PHF24: variants seen among roughly 807,000 people sequenced by gnomAD.
PHF24 encodes the protein PHD finger protein 24.
A neutral mutation model predicts 42.6 loss-of-function variants in PHF24; 25 were observed. The ratio of observed to expected loss-of-function variants is 0.59; its 90% CI spans 0.43 to 0.82. The LOEUF is 0.82. Ranked by LOEUF, PHF24 falls within the 40% of genes least tolerant of loss-of-function variation. PHF24 has a pLI of 0.00. For synonymous variants in PHF24, 185 were observed against 204.8 expected, an observed-to-expected ratio of 0.90 and a Z score of 0.83; for missense variants, 470 against 538.1, an observed-to-expected ratio of 0.87 and a Z score of 1.25.
chr9:34,942,837 G>A, the PHF24 span, among the ~76,000 whole-genome samples: 1 of 151,640 alleles, frequency 6.6e-6, no homozygotes, highest in Admixed American at 6.6e-5. Context: ...CATCACACAC[G>A]GGAGCCTGTC....
At chr9:34,765,849 T>C in the PHF24 span, among the ~76,000 whole-genome samples, 5 of 152,128 alleles carry the variant, frequency 3.3e-5, no homozygotes, top group Admixed American at 2.0e-4. Flanking sequence ...TGGTTGTTCC[T>C]TTCCATGTTT....
the PHF24 span, among the ~76,000 whole-genome samples, chr9:34,903,585 ATAAAG>A: frequency 1.7e-4 from 26 of 152,238 alleles, no homozygotes; most frequent in African/African-American, 5.8e-4. Context: ...ATGACATGAA[ATAAAG>A]TAAATTTTTT....
chr9:34,922,401 A>T, the PHF24 span: 1 of 1,394,602 alleles, frequency 7.2e-7, no homozygotes, highest in Non-Finnish European at 1.0e-6. Context: ...GAACACGGAG[A>T]AGTTAAGGGC....
the PHF24 span, among the ~76,000 whole-genome samples, chr9:34,753,388 C>T: frequency 3.3e-5 from 5 of 151,848 alleles, no homozygotes; most frequent in African/African-American, 4.8e-5. Flanking sequence ...AAAGTAATCC[C>T]GCTGATAACA....
At chr9:34,746,490 A>G in the PHF24 span, among the ~76,000 whole-genome samples, 2 of 152,236 alleles carry the variant, frequency 1.3e-5, no homozygotes, top group African/African-American at 4.8e-5. Context: ...CAGGAGTACA[A>G]AGCAAGTGCA....
chr9:34,760,600 T>G, the PHF24 span, among the ~76,000 whole-genome samples: 1 of 152,122 alleles, frequency 6.6e-6, no homozygotes, highest in Admixed American at 6.5e-5. Context: ...TACCGCCCGG[T>G]GCAGAAGCGT....
chr9:34,821,923 A>G, the PHF24 span, among the ~76,000 whole-genome samples: 1 of 152,202 alleles, frequency 6.6e-6, no homozygotes, highest in African/African-American at 2.4e-5. Context: ...AACCCATATT[A>G]ATATATACTT....
At chr9:34,854,022 A>T in the PHF24 span, among the ~76,000 whole-genome samples, 4 of 152,080 alleles carry the variant, frequency 2.6e-5, no homozygotes, top group African/African-American at 9.7e-5. Context: ...GTATGTGTCC[A>T]GGAATTTATC....
the PHF24 span, among the ~76,000 whole-genome samples, chr9:34,802,746 C>G: frequency 6.6e-6 from 1 of 152,150 alleles, no homozygotes; most frequent in Non-Finnish European, 1.5e-5. Context: ...TTTTCAGATC[C>G]TTTCCATTGT....
chr9:34,931,082 G>C, the PHF24 span, among the ~76,000 whole-genome samples: 7,663 of 152,206 alleles, frequency 0.05, 271 homozygotes, highest in Non-Finnish European at 0.077. Context: ...GGCACCATAA[G>C]AATGGTATAA....
the PHF24 span, among the ~76,000 whole-genome samples, chr9:34,798,792 A>G: frequency 6.6e-6 from 1 of 152,044 alleles, no homozygotes; most frequent in Non-Finnish European, 1.5e-5. Flanking sequence ...TCTTCTTTTC[A>G]CAGTGTTTGA....
At chr9:34,708,975 C>T in the PHF24 span, 4 of 198,570 alleles carry the variant, frequency 2.0e-5, no homozygotes, top group Non-Finnish European at 3.0e-5. Flanking sequence ...CTTGGCATCT[C>T]GGTGGACATA....
At chr9:34,759,532 C>T in the PHF24 span, among the ~76,000 whole-genome samples, 53 of 152,184 alleles carry the variant, frequency 3.5e-4, 1 homozygote, top group Middle Eastern at 0.014. Flanking sequence ...TCCCCAGAAT[C>T]CTAAAGTGGG....
At chr9:34,724,089 G>C in the PHF24 span, 1 of 1,527,200 alleles carries the variant, frequency 6.5e-7, no homozygotes, top group Non-Finnish European at 8.8e-7. Flanking sequence ...GTTTCCTCTG[G>C]GTCCTCTCTG....
the PHF24 span, among the ~76,000 whole-genome samples, chr9:34,695,201 C>A: frequency 6.6e-6 from 1 of 152,158 alleles, no homozygotes; most frequent in African/African-American, 2.4e-5. Flanking sequence ...AGTTGATAAA[C>A]CAATGGCTGA....
chr9:34,875,938 A>ACTCTCTCTCTCTCTCTCTCTCTCTCTCT, the PHF24 span, among the ~76,000 whole-genome samples: 1 of 88,430 alleles, frequency 1.1e-5, no homozygotes, highest in African/African-American at 4.8e-5. Flanking sequence ...ACACACACAC[A>ACTCTCTCTCTCTCTCTCTCTCTCTCTCT]CACACACACA....
chr9:34,863,415 C>CAG, the PHF24 span, among the ~76,000 whole-genome samples: 1,909 of 147,038 alleles, frequency 0.013, 24 homozygotes, highest in South Asian at 0.042. Flanking sequence ...GCTGGCTCAT[C>CAG]AGAGAGAGAG....
the PHF24 span, among the ~76,000 whole-genome samples, chr9:34,750,821 A>G: frequency 6.6e-6 from 1 of 152,134 alleles, no homozygotes; most frequent in Non-Finnish European, 1.5e-5. Context: ...ACCAGAAAAC[A>G]AATTTTTTAA....
chr9:34,771,397 G>C, the PHF24 span, among the ~76,000 whole-genome samples: 1 of 152,130 alleles, frequency 6.6e-6, no homozygotes, highest in Non-Finnish European at 1.5e-5. Flanking sequence ...CATAGAAAAG[G>C]TACAGAAAAA....
Sources: allele counts gnomAD v4.1 joint callset (sites outside exome capture counted in the v4.1 genomes callset), GRCh38; gene constraint gnomAD v4.1.1; transcripts MANE v1.5; gene names NCBI Gene and HGNC (gene_info 2026-07-23, HGNC 2026-07-21).